The following C16orf46 variants were observed in gnomAD, a reference collection of about 807,000 sequenced individuals.
C16orf46 encodes the protein chromosome 16 open reading frame 46, also known as uncharacterized protein C16orf46.
A neutral mutation model predicts 5.5 loss-of-function variants in C16orf46; 7 were observed. The observed-to-expected ratio is 1.28, with a 90% CI of 0.73 to 2.40. The LOEUF is 2.40. Ranked by LOEUF, C16orf46 falls within the 30% of genes most tolerant of loss-of-function variation. The probability of loss-of-function intolerance (pLI) is 0.00; values close to 1 mark genes in which losing one functional copy is unlikely to be tolerated. For missense variants in C16orf46, 614 were observed against 476.0 expected, an observed-to-expected ratio of 1.29 and a Z score of -2.70; for synonymous variants, 200 against 184.1, an observed-to-expected ratio of 1.09 and a Z score of -0.70.
rs371975396 is a variant in C16orf46, at chr16:81,063,246, GAA to G, written c.210+498_210+499del. Among the ~76,000 whole-genome samples, 573 of 100,800 alleles carry G rather than the reference GAA, an allele frequency of 5.7e-3. 5 individuals carry two copies. Among genetic ancestry groups the G allele is most frequent in the African/African-American group, 0.018 (466 of 26,162 alleles). 66.1% of individuals were successfully genotyped at this position (100,800 alleles called of 152,430 possible). A position where few individuals can be genotyped will look rare whatever the true frequency, so the allele number is the denominator to read the frequency against. On this transcript the variant is annotated intron_variant, in intron 3 of 3. Coordinates refer to ENST00000299578, the MANE Select transcript of C16orf46 (RefSeq NM_152337.3). ...CGACAGAAAGAGACTCCATCTCAGG[GAA>G]AAAAAAAAAAAAAAAAAAAACCCAC...
At chr16:81,076,657 A>G (rs922019583) in intron 1 of C16orf46, 1 of 152,704 alleles carries the variant, frequency 6.5e-6, no homozygotes, top group Non-Finnish European at 1.5e-5. Context: ...GTCATCAAAC[A>G]CACGCGCTCC....
chr16:81,073,546 A>G (rs1971927824), intron 1 of C16orf46, among the ~76,000 whole-genome samples: 2 of 152,244 alleles, frequency 1.3e-5, no homozygotes, highest in African/African-American at 2.4e-5. Flanking sequence ...ATGTTATATT[A>G]CATGGTAAAA....
chr16:81,054,366 C>T (rs1243574200), intron 3 of C16orf46, among the ~76,000 whole-genome samples: 1 of 151,814 alleles, frequency 6.6e-6, no homozygotes, highest in Non-Finnish European at 1.5e-5. Flanking sequence ...GGGAAGTCAA[C>T]CAAACTTTGG....
chr16:81,060,947 T>C (rs1051406715), downstream of C16orf46: 25 of 1,338,204 alleles, frequency 1.9e-5, no homozygotes, highest in Non-Finnish European at 2.3e-5. Flanking sequence ...CACATGAATA[T>C]GGTGTTTTAG....
chr16:81,060,080 G>T (rs537068624), downstream of C16orf46, among the ~76,000 whole-genome samples: 1 of 152,022 alleles, frequency 6.6e-6, no homozygotes, highest in Non-Finnish European at 1.5e-5. Flanking sequence ...GAGCCACGGC[G>T]CCCGGCCCCA....
chr16:81,071,459 C>T (rs1169028920), intron 1 of C16orf46, among the ~76,000 whole-genome samples: 1 of 152,210 alleles, frequency 6.6e-6, no homozygotes, highest in Non-Finnish European at 1.5e-5. Context: ...AAAGAAAAGT[C>T]AGTGCAGGCT....
chr16:81,063,880 C>T lies in C16orf46; in HGVS notation c.76G>A (p.Glu26Lys). The T allele has an allele frequency of 6.2e-7, 1 of 1,613,534 alleles. No homozygotes were observed. The highest frequency in any genetic ancestry group is 8.5e-7 in the Non-Finnish European group (1 of 1,179,660). ...NNEIQFTEET[E>K]PTYTCPDGKS... ...CCATCTGGACAAGTATAGGTTGGTTCTGTTTCTTCTGTGAACTGAATTTCA... is the reference window on the plus strand; with the variant it reads ...CCATCTGGACAAGTATAGGTTGGTTTTGTTTCTTCTGTGAACTGAATTTCA... The change falls in exon 3 of 4, where the codon GAA (glutamate) becomes AAA (lysine). Residue 26 changes from glutamate to lysine, a missense_variant. Transcript: ENST00000299578.
downstream of C16orf46, among the ~76,000 whole-genome samples, chr16:81,057,483 A>G (rs1971332894): frequency 6.9e-6 from 1 of 145,702 alleles, no homozygotes. Context: ...CGGGAGGCAG[A>G]GTTTGTAGTG....
intron 1 of C16orf46, among the ~76,000 whole-genome samples, chr16:81,066,616 T>C (rs1971663450): frequency 6.6e-6 from 1 of 152,252 alleles, no homozygotes; most frequent in Non-Finnish European, 1.5e-5. Flanking sequence ...AGAGTGGATA[T>C]GTGATTCCTT....
At chr16:81,073,764 G>A (rs1173831427) in intron 1 of C16orf46, among the ~76,000 whole-genome samples, 1 of 152,056 alleles carries the variant, frequency 6.6e-6, no homozygotes, top group Non-Finnish European at 1.5e-5. Context: ...CACATCCCAA[G>A]GAATGTGGAT....
rs901136125 is a variant in C16orf46, at chr16:81,068,994, G to C, written c.-127-2713C>G. Among the ~76,000 whole-genome samples the C allele has an allele frequency of 6.1e-4, 93 of 152,098 alleles. 1 individual carries two copies. The highest frequency in any genetic ancestry group is 1.2e-4 in the Non-Finnish European group (8 of 68,022). The stretch of plus-strand genomic sequence containing the variant: ...GCTGGGATTATAAACGTAAGCCACC[G>C]TGCCTGGCCCTTCATATTGTTTTGA... On this transcript the variant is annotated intron_variant, in intron 1 of 3. Coordinates refer to ENST00000299578, the MANE Select transcript of C16orf46 (RefSeq NM_152337.3).
intron 1 of C16orf46, among the ~76,000 whole-genome samples, chr16:81,066,962 G>A (rs1281011649): frequency 6.6e-6 from 1 of 152,140 alleles, no homozygotes; most frequent in Admixed American, 6.6e-5. Context: ...TAGGCCAGAA[G>A]GTATTAAACT....
At chr16:81,068,056 G>T (rs889803500) in intron 1 of C16orf46, among the ~76,000 whole-genome samples, 3 of 152,204 alleles carry the variant, frequency 2.0e-5, no homozygotes, top group Non-Finnish European at 4.4e-5. Flanking sequence ...AGGAACAGGT[G>T]TAAATGCAGA....
At chr16:81,072,640 T>G (rs1205237859) in intron 1 of C16orf46, among the ~76,000 whole-genome samples, 1 of 152,206 alleles carries the variant, frequency 6.6e-6, no homozygotes, top group Non-Finnish European at 1.5e-5. Flanking sequence ...AGTCTCAGCC[T>G]CCCAAAGTGC....
In C16orf46 at chr16:81,053,742, G is replaced by A. The variant is rs185036732; in HGVS notation, c.*329C>T. On this transcript the variant is annotated 3_prime_UTR_variant, in exon 4 of 4. Transcript: ENST00000378611. ...TTTAACATCAGTGAAATAGTCCAAT[G>A]TATCTGAAAATGAAAATAAATTGTT... 572 of 231,056 alleles carry A rather than the reference G, an allele frequency of 2.5e-3. 3 individuals carry two copies. The highest frequency in any genetic ancestry group is 3.6e-3 in the Non-Finnish European group (428 of 119,270). 14.3% of individuals were successfully genotyped at this position (231,056 alleles called of 1,614,324 possible).
intron 3 of C16orf46, among the ~76,000 whole-genome samples, chr16:81,055,750 C>T (rs61299662): frequency 0.012 from 1,881 of 152,168 alleles, 41 homozygotes; most frequent in African/African-American, 0.043. Context: ...GACGGACTGT[C>T]GCTCTGTCAC....
intron 2 of C16orf46, among the ~76,000 whole-genome samples, chr16:81,064,237 A>G (rs1433746647): frequency 6.6e-6 from 1 of 151,756 alleles, no homozygotes; most frequent in East Asian, 1.9e-4. Flanking sequence ...TAAGGCGGGC[A>G]CCTGTAATCC....
In C16orf46 at chr16:81,061,936, T is replaced by C; in HGVS notation, c.413A>G (p.Gln138Arg). Residue 138 changes from glutamine to arginine, a missense_variant, in exon 4 of 4, where the codon CAG becomes CGG. Gln to Arg is a conservative substitution (Grantham distance 43). Coordinates refer to ENST00000299578, the MANE Select transcript of C16orf46 (RefSeq NM_152337.3). ...SSPSQTQAAP[Q>R]GPSTASRAIS... ...TGCCCTGGAAGCAGTGCTGGGGCCC[T>C]GGGGGGCTGCCTGAGTCTGGGAGGG... 1 of 1,614,188 alleles carries C rather than the reference T, an allele frequency of 6.2e-7. No individual in the cohort carries two copies.
chr16:81,059,999 A>G (rs1370729735), downstream of C16orf46, among the ~76,000 whole-genome samples: 4 of 152,042 alleles, frequency 2.6e-5, no homozygotes, highest in East Asian at 5.8e-4. Flanking sequence ...CGTGTTAGCC[A>G]GGATGGTCTC....
Sources: allele counts gnomAD v4.1 joint callset (sites outside exome capture counted in the v4.1 genomes callset), GRCh38; gene constraint gnomAD v4.1.1; transcripts MANE v1.5; gene names NCBI Gene and HGNC (gene_info 2026-07-23, HGNC 2026-07-21).